DLGAP2: variants seen among roughly 807,000 people sequenced by gnomAD.
DLGAP2 encodes the protein disks large-associated protein 2.
A neutral mutation model predicts 100.3 loss-of-function variants in DLGAP2; 26 were observed. The observed-to-expected ratio is 0.26, with a 90% CI of 0.19 to 0.36. The LOEUF is 0.36. Among genes scored for constraint, DLGAP2 ranks in the 10% least tolerant of loss-of-function variants. The pLI, the probability that DLGAP2 is intolerant of heterozygous loss-of-function variation, is 1.00. For missense variants in DLGAP2, 1,858 were observed against 1,453.2 expected (o/e 1.28, Z -4.53); for synonymous variants, 886 against 630.1 (o/e 1.41, Z -6.08).
At chr8:1,579,233 C>T (rs1803123914) in intron 6 of DLGAP2, among the ~76,000 whole-genome samples, 1 of 151,726 alleles carries the variant, frequency 6.6e-6, no homozygotes, top group East Asian at 1.9e-4. Context: ...GAAAAAAGAG[C>T]TTATTTCAAA....
chr8:1,529,811 A>G (rs910146593), intron 4 of DLGAP2, among the ~76,000 whole-genome samples: 1 of 152,244 alleles, frequency 6.6e-6, no homozygotes, highest in Non-Finnish European at 1.5e-5. Flanking sequence ...TACAAAAGAG[A>G]GAAATTTTAA....
chr8:1,022,300 C>T (rs937897960), intron 2 of DLGAP2, among the ~76,000 whole-genome samples: 22 of 148,368 alleles, frequency 1.5e-4, no homozygotes, highest in Non-Finnish European at 2.4e-4. Flanking sequence ...GTAGATGCTC[C>T]AAACAGCACC....
chr8:1,284,762 C>T (rs1158128693), intron 3 of DLGAP2, among the ~76,000 whole-genome samples: 2 of 152,184 alleles, frequency 1.3e-5, no homozygotes, highest in South Asian at 4.1e-4. Flanking sequence ...CAGGCAGGTG[C>T]CACCACGCCC....
At chr8:1,105,702 G>C (rs1160746022) in intron 2 of DLGAP2, among the ~76,000 whole-genome samples, 4 of 150,778 alleles carry the variant, frequency 2.7e-5, no homozygotes, top group Non-Finnish European at 4.4e-5. Flanking sequence ...TCTACTGAAG[G>C]GGGCCGTTCT....
intron 2 of DLGAP2, among the ~76,000 whole-genome samples, chr8:984,643 G>A (rs375487784): frequency 1.6e-4 from 25 of 152,362 alleles, no homozygotes; most frequent in African/African-American, 5.5e-4. Context: ...GGTGTAAAGA[G>A]CACGGCCTCC....
intron 1 of DLGAP2, among the ~76,000 whole-genome samples, chr8:829,858 A>G (rs1036824324): frequency 1.3e-5 from 2 of 152,220 alleles, no homozygotes; most frequent in Non-Finnish European, 1.5e-5. Flanking sequence ...AATATTCAAA[A>G]TGTGTTCATA....
At position 1,549,569 on chromosome 8, in the gene DLGAP2, T is replaced by C. The variant is rs763418597; in HGVS notation, c.1116T>C (p.Ser372=). Residue 372 remains serine, a synonymous_variant, in exon 5 of 15, where the codon TCT becomes TCC. Coordinates refer to ENST00000637795, the MANE Select transcript of DLGAP2 (RefSeq NM_001346810.2). ...DAKYLKRSSW[S]TLTVSQAKEA... ...AGTACCTGAAGCGCAGCTCCTGGTC[T>C]ACGCTGACGGTCAGCCAGGCCAAGG... 1.2e-6 allele frequency: 2 copies of C among 1,612,910 alleles called. No individual in the cohort carries two copies. Among genetic ancestry groups the C allele is most frequent in the Non-Finnish European group, 8.5e-7 (1 of 1,179,782 alleles).
At chr8:1,644,719 T>G (rs1389970356) in intron 8 of DLGAP2, among the ~76,000 whole-genome samples, 2 of 152,212 alleles carry the variant, frequency 1.3e-5, no homozygotes, top group Non-Finnish European at 2.9e-5. Flanking sequence ...TGCCAAAATA[T>G]CTAGGCCATG....
At chr8:1,424,019 C>T (rs553731319) in intron 3 of DLGAP2, among the ~76,000 whole-genome samples, 35 of 152,328 alleles carry the variant, frequency 2.3e-4, no homozygotes, top group Non-Finnish European at 4.0e-4. Flanking sequence ...TTATTCAAAG[C>T]TCGTATCAGG....
chr8:1,548,883 G>T lies in DLGAP2; in HGVS notation c.430G>T (p.Glu144Ter). 1 of 1,595,942 alleles carries T rather than the reference G, an allele frequency of 6.3e-7. No individual in the cohort carries two copies. Among genetic ancestry groups the T allele is most frequent in the African/African-American group, 1.3e-5 (1 of 74,964 alleles). ...CTCGCCGCGCAGCTCGGTGCACTCG[G>T]AGTGCGTGATGATGCCGGTGGTGCT... Reference protein sequence around the residue: ...RCSPRSSVHSECVMMPVVLGD... With the variant: ...RCSPRSSVHS The change falls in exon 5 of 15, where the codon GAG becomes TAG. Residue 144 changes from glutamate (E) to a stop codon, truncating the protein, a stop_gained. Coordinates refer to ENST00000637795, the MANE Select transcript of DLGAP2 (RefSeq NM_001346810.2). LOFTEE classifies it high-confidence loss of function.
intron 2 of DLGAP2, among the ~76,000 whole-genome samples, chr8:983,598 G>A (rs1304529091): frequency 6.6e-6 from 1 of 152,164 alleles, no homozygotes. Flanking sequence ...TGTTAATTGG[G>A]TGACTCTGAA....
In DLGAP2 at chr8:1,455,695, A is replaced by G. The variant is rs945605716; in HGVS notation, c.107-45671A>G. On this transcript the variant is annotated intron_variant, in intron 3 of 14. Transcript: ENST00000637795. ...CATTTATATATTAATTAAGCGTCACATCCACGCCCCCCATTTATATATTAA... is the reference window on the plus strand; with the variant it reads ...CATTTATATATTAATTAAGCGTCACGTCCACGCCCCCCATTTATATATTAA... 6.6e-5 allele frequency among the ~76,000 whole-genome samples: 10 copies of G among 152,074 alleles called. 1 individual carries two copies. The highest frequency in any genetic ancestry group is 1.5e-4 in the Non-Finnish European group (10 of 68,006).
At chr8:1,499,525 C>G (rs1053843023) in intron 3 of DLGAP2, among the ~76,000 whole-genome samples, 4 of 152,176 alleles carry the variant, frequency 2.6e-5, no homozygotes, top group Admixed American at 1.3e-4. Context: ...ATGAATGAGA[C>G]CATTCCAGTC....
chr8:1,117,332 C>T (rs1805149836), intron 2 of DLGAP2, among the ~76,000 whole-genome samples: 1 of 152,200 alleles, frequency 6.6e-6, no homozygotes, highest in African/African-American at 2.4e-5. Context: ...GGGGACGCCA[C>T]GCTGGGGATG....
intron 2 of DLGAP2, among the ~76,000 whole-genome samples, chr8:1,122,992 A>G (rs1796085093): frequency 1.3e-5 from 2 of 152,214 alleles, no homozygotes; most frequent in South Asian, 4.1e-4. Flanking sequence ...CAGGAGATAC[A>G]GTTAAACTCA....
chr8:1,553,314 C>A (rs7825195), intron 5 of DLGAP2, among the ~76,000 whole-genome samples: 95 of 152,340 alleles, frequency 6.2e-4, no homozygotes, highest in African/African-American at 2.1e-3. Context: ...GCAACCCTGG[C>A]CCTCCTGGGG....
At chr8:1,375,291 A>G (rs74883963) in intron 3 of DLGAP2, among the ~76,000 whole-genome samples, 2 of 55,200 alleles carry the variant, frequency 3.6e-5, no homozygotes, top group Non-Finnish European at 3.0e-5. Flanking sequence ...GGTTAACGAC[A>G]CCTCTCCACG....
chr8:829,912 C>T (rs1796750499), intron 1 of DLGAP2, among the ~76,000 whole-genome samples: 1 of 152,138 alleles, frequency 6.6e-6, no homozygotes, highest in African/African-American at 2.4e-5. Flanking sequence ...AGTTTATGTA[C>T]CAGTCTCTTG....
Position 1,253,487 on chromosome 8 carries a change from A to T in DLGAP2, c.74-5364A>T, listed in dbSNP as rs150989133. On this transcript the variant is annotated intron_variant, in intron 2 of 14. Coordinates refer to ENST00000637795, the MANE Select transcript of DLGAP2 (RefSeq NM_001346810.2). ...TCCAAAAATATGTGCATAAATGTAG[A>T]GTAGCCTCCATAGATAAAATGCTCT... Among the ~76,000 whole-genome samples, 524 of 152,380 alleles carry T rather than the reference A, an allele frequency of 3.4e-3. 2 individuals are homozygous for T. The highest frequency in any genetic ancestry group is 0.012 in the African/African-American group (490 of 41,592).
Sources: gnomAD v4.1 joint callset for allele counts (sites outside exome capture counted in the v4.1 genomes callset) on GRCh38, gnomAD v4.1.1 for gene constraint, MANE v1.5 for transcripts, NCBI Gene and HGNC (gene_info 2026-07-23, HGNC 2026-07-21) for gene names.